Variants in NBEA observed in about 807,000 individuals in gnomAD.
NBEA encodes the protein neurobeachin.
NBEA carries 44 observed loss-of-function variants against 343.4 expected under a neutral mutation model. The ratio of observed to expected loss-of-function variants is 0.13; its 90% CI spans 0.10 to 0.16. The LOEUF is 0.16. NBEA is among the 10% of genes least tolerant of loss of function. The pLI is 1.00. For synonymous variants in NBEA, 1,175 were observed against 1,238.7 expected (o/e 0.95, Z 1.08); for missense variants, 2,555 against 3,631.3 (o/e 0.70, Z 7.62).
At chr13:35,108,544 A>G (rs187799920) in intron 11 of NBEA, among the ~76,000 whole-genome samples, 4 of 152,210 alleles carry the variant, frequency 2.6e-5, no homozygotes, top group Admixed American at 2.6e-4. Flanking sequence ...CATCTATTCA[A>G]TAAGAAAATA....
At chr13:35,550,803 T>C (rs1452543399) in intron 42 of NBEA, 127 bp from the exon 43 acceptor site, 2 of 666,478 alleles carry the variant, frequency 3.0e-6, no homozygotes, top group Non-Finnish European at 5.1e-6. Context: ...TACTGAAAGC[T>C]GATTTTTCAT....
intron 38 of NBEA, among the ~76,000 whole-genome samples, 153 bp from the exon 39 acceptor site, chr13:35,432,116 A>G (rs1438208237): frequency 6.6e-6 from 1 of 152,070 alleles, no homozygotes; most frequent in Non-Finnish European, 1.5e-5. Flanking sequence ...ATATGTATAT[A>G]TATACACAAA....
chr13:35,325,254 A>T (rs994356198), intron 36 of NBEA, among the ~76,000 whole-genome samples: 1 of 152,136 alleles, frequency 6.6e-6, no homozygotes, highest in East Asian at 1.9e-4. Context: ...CAATGGACTT[A>T]ACTTACTAAA....
intron 46 of NBEA, among the ~76,000 whole-genome samples, chr13:35,591,884 T>G (rs2153042966): frequency 6.6e-6 from 1 of 152,192 alleles, no homozygotes; most frequent in South Asian, 2.1e-4. Context: ...TCATGTAGGT[T>G]TCTTAGCATT....
intron 34 of NBEA, among the ~76,000 whole-genome samples, chr13:35,283,995 C>CAG (rs1359827281): frequency 7.1e-6 from 1 of 141,584 alleles, no homozygotes; most frequent in Non-Finnish European, 1.6e-5. Flanking sequence ...CAGACACACA[C>CAG]ACACACACAC....
intron 36 of NBEA, among the ~76,000 whole-genome samples, chr13:35,337,660 A>C (rs912034736): frequency 6.6e-6 from 1 of 152,124 alleles, no homozygotes; most frequent in Non-Finnish European, 1.5e-5. Context: ...GTCATTTAAC[A>C]GTAGCAGGCA....
At chr13:35,457,430 T>C (rs183716988) in intron 40 of NBEA, among the ~76,000 whole-genome samples, 3 of 152,330 alleles carry the variant, frequency 2.0e-5, no homozygotes, top group Non-Finnish European at 4.4e-5. Flanking sequence ...TTTGCCTTTC[T>C]TCACCAATTT....
At chr13:35,296,863 T>G (rs2036167503) in intron 35 of NBEA, among the ~76,000 whole-genome samples, 1 of 152,110 alleles carries the variant, frequency 6.6e-6, no homozygotes, top group Non-Finnish European at 1.5e-5. Context: ...TATCATATAA[T>G]AAGTAGTTTT....
chr13:34,986,092 G>A (rs2060535474), intron 1 of NBEA, among the ~76,000 whole-genome samples: 1 of 150,402 alleles, frequency 6.6e-6, no homozygotes, highest in Admixed American at 6.6e-5. Context: ...GAATGTGTTT[G>A]CTCTTGCTTC....
intron 38 of NBEA, among the ~76,000 whole-genome samples, chr13:35,415,140 G>C (rs922782566): frequency 6.6e-6 from 1 of 152,140 alleles, no homozygotes; most frequent in Non-Finnish European, 1.5e-5. Flanking sequence ...TTAGCCCTTT[G>C]TCAGATGAGT....
At chr13:35,511,584 C>A (rs2077278198) in intron 41 of NBEA, among the ~76,000 whole-genome samples, 1 of 152,066 alleles carries the variant, frequency 6.6e-6, no homozygotes, top group South Asian at 2.1e-4. Flanking sequence ...GTGTTGATTG[C>A]AATGTATATT....
intron 48 of NBEA, among the ~76,000 whole-genome samples, chr13:35,619,952 C>G (rs953809548): frequency 1.3e-5 from 2 of 152,122 alleles, no homozygotes; most frequent in Admixed American, 1.3e-4. Flanking sequence ...TTCGTTCATT[C>G]CGTAATTATG....
intron 38 of NBEA, among the ~76,000 whole-genome samples, chr13:35,360,277 T>G (rs760305273): frequency 4.6e-5 from 7 of 152,016 alleles, no homozygotes; most frequent in Non-Finnish European, 7.4e-5. Flanking sequence ...AAAAGTATTC[T>G]TAGGTTTCCT....
intron 55 of NBEA, among the ~76,000 whole-genome samples, chr13:35,658,483 G>C (rs183059288): frequency 6.6e-6 from 1 of 152,284 alleles, no homozygotes; most frequent in Non-Finnish European, 1.5e-5. Context: ...TGTGCCTACT[G>C]TGAGCCTGGT....
chr13:34,958,944 A>G (rs946702711), intron 1 of NBEA, among the ~76,000 whole-genome samples: 2 of 152,040 alleles, frequency 1.3e-5, no homozygotes, highest in Non-Finnish European at 2.9e-5. Context: ...ATTATGTCAA[A>G]CCTTTCTTTT....
chr13:35,274,854 G>C (rs968672371), intron 34 of NBEA, among the ~76,000 whole-genome samples: 1 of 152,132 alleles, frequency 6.6e-6, no homozygotes, highest in Non-Finnish European at 1.5e-5. Flanking sequence ...TGAAATAAAA[G>C]AGGACACAAT....
At chr13:35,274,211 A>G (rs548847030) in intron 34 of NBEA, among the ~76,000 whole-genome samples, 8 of 152,356 alleles carry the variant, frequency 5.3e-5, no homozygotes, top group Non-Finnish European at 1.2e-4. Flanking sequence ...GGTTCAACAT[A>G]TGTAAATCAA....
intron 40 of NBEA, among the ~76,000 whole-genome samples, chr13:35,460,793 T>C (rs1283725754): frequency 6.6e-6 from 1 of 152,248 alleles, no homozygotes; most frequent in African/African-American, 2.4e-5. Context: ...CTGTTGTTTA[T>C]AACAGGATAC....
chr13:35,487,234 A>G (rs1427734055), intron 41 of NBEA, among the ~76,000 whole-genome samples: 1 of 151,920 alleles, frequency 6.6e-6, no homozygotes, highest in African/African-American at 2.4e-5. Flanking sequence ...TTTTTCAATG[A>G]TACATATGAT....
Sources: gnomAD v4.1 joint callset for allele counts (sites outside exome capture counted in the v4.1 genomes callset) on GRCh38, gnomAD v4.1.1 for gene constraint, MANE v1.5 for transcripts, NCBI Gene and HGNC (gene_info 2026-07-23, HGNC 2026-07-21) for gene names.